The following CEP70 variants were observed in gnomAD, a reference collection of about 807,000 sequenced individuals.
The protein encoded by CEP70 is centrosomal protein of 70 kDa.
A neutral mutation model predicts 90.9 loss-of-function variants in CEP70; 70 were observed. The ratio of observed to expected loss-of-function variants is 0.77; its 90% CI spans 0.64 to 0.94. CEP70 has a LOEUF of 0.94. CEP70 is among the 40% of genes least tolerant of loss of function. The probability of loss-of-function intolerance (pLI) is 0.00; values close to 1 mark genes in which losing one functional copy is unlikely to be tolerated. For missense variants in CEP70, 648 were observed against 669.0 expected (o/e 0.97, Z 0.35); for synonymous variants, 220 against 228.3 (o/e 0.96, Z 0.33).
intron 2 of CEP70, among the ~76,000 whole-genome samples, chr3:138,579,413 C>T (rs1038821908): frequency 6.6e-6 from 1 of 151,856 alleles, no homozygotes; most frequent in Non-Finnish European, 1.5e-5. Flanking sequence ...ATCACCCCTC[C>T]CCCAACCCCA....
At position 138,532,504 on chromosome 3, in the gene CEP70, T is replaced by C; in HGVS notation, c.692+10A>G. 1 of 1,496,410 alleles carries C rather than the reference T, an allele frequency of 6.7e-7. No individual in the cohort carries two copies. Among genetic ancestry groups the C allele is most frequent in the Non-Finnish European group, 8.9e-7 (1 of 1,122,302 alleles). The allele number at this position is 1,496,410 out of a possible 1,614,324, so 92.7% of individuals were successfully genotyped here. A position where few individuals can be genotyped will look rare whatever the true frequency, so the allele number is the denominator to read the frequency against. ...AACCTTTAAAAACTGTAATACAGGATTACTCGTACCTTTGTGTATGAATTT... is the reference window on the plus strand; with the variant it reads ...AACCTTTAAAAACTGTAATACAGGACTACTCGTACCTTTGTGTATGAATTT... On this transcript the variant is annotated intron_variant, in intron 8 of 17. Coordinates refer to ENST00000264982, the MANE Select transcript of CEP70 (RefSeq NM_024491.4).
intron 11 of CEP70, 135 bp from the exon 12 acceptor site, chr3:138,508,679 A>ATGTATGTATG (rs2035224471): frequency 1.6e-6 from 1 of 643,072 alleles, no homozygotes; most frequent in Non-Finnish European, 2.8e-6. Context: ...GTGTGCACAC[A>ATGTATGTATG]TGTATGTATG....
At position 138,547,016 on chromosome 3, in the gene CEP70, AAATGAAATTGAAATGAAAT is replaced by A. The variant is rs564387227; in HGVS notation, c.466-9688_466-9670del. On this transcript the variant is annotated intron_variant, in intron 6 of 17. Transcript: ENST00000264982. ...ATCTTATAAGATGAAAAATGAAATGAAATGAAATTGAAATGAAATAATGAAATTGAAATGAAATAAAAAA... is the reference window on the plus strand; with the variant it reads ...ATCTTATAAGATGAAAAATGAAATGAAATGAAATTGAAATGAAATAAAAAA... 1.5e-3 allele frequency among the ~76,000 whole-genome samples: 232 copies of A among 152,316 alleles called. 1 individual carries two copies. Among genetic ancestry groups the A allele is most frequent in the African/African-American group, 4.5e-3 (189 of 41,562 alleles).
chr3:138,540,359 C>T (rs893676052), intron 6 of CEP70, among the ~76,000 whole-genome samples: 3 of 151,812 alleles, frequency 2.0e-5, no homozygotes, highest in African/African-American at 4.8e-5. Flanking sequence ...GATGTGGTGG[C>T]GCATGCCTGT....
chr3:138,583,526 C>A (rs1388179552), intron 2 of CEP70, among the ~76,000 whole-genome samples: 2 of 152,158 alleles, frequency 1.3e-5, no homozygotes, highest in African/African-American at 4.8e-5. Flanking sequence ...GCACATGGAT[C>A]ATTCCCAAGG....
chr3:138,529,961 G>A (rs182374565), intron 8 of CEP70, among the ~76,000 whole-genome samples: 1 of 152,282 alleles, frequency 6.6e-6, no homozygotes, highest in African/African-American at 2.4e-5. Context: ...CTAACTAGTT[G>A]TATTATTTGA....
At chr3:138,518,332 T>C (rs753377855) in intron 11 of CEP70, among the ~76,000 whole-genome samples, 20 of 152,018 alleles carry the variant, frequency 1.3e-4, no homozygotes, top group Non-Finnish European at 2.4e-4. Context: ...TTGGATAGAG[T>C]AGTGGTTCTC....
intron 2 of CEP70, among the ~76,000 whole-genome samples, chr3:138,587,620 C>CAAAAAAA (rs5852917): frequency 2.2e-5 from 3 of 137,430 alleles, no homozygotes; most frequent in Non-Finnish European, 1.5e-5. Context: ...CCCATCTCTA[C>CAAAAAAA]AAAAAAAAGA....
At chr3:138,538,867 G>C (rs2038513103) in intron 6 of CEP70, among the ~76,000 whole-genome samples, 1 of 152,088 alleles carries the variant, frequency 6.6e-6, no homozygotes, top group South Asian at 2.1e-4. Flanking sequence ...TGTGTTGCTA[G>C]AAATATGTCC....
Position 138,500,143 on chromosome 3 carries a change from AC to A in CEP70, c.1618del (p.Val540LeufsTer5), listed in dbSNP as rs775463152. ...GTCTTCAGGTCCTAATACCTGCATA[AC>A]CTGCTCATTCACATCTTCATTAATC... ...RLINEDVNEQ[V>X]MQVLGPEDLQ... is the part of the protein sequence containing the mutation. On this transcript the variant is annotated frameshift_variant, in exon 16 of 18. Transcript: ENST00000264982. LOFTEE classifies it high-confidence loss of function. 28 of 1,613,450 alleles carry A rather than the reference AC, an allele frequency of 1.7e-5. No homozygotes were observed. Among genetic ancestry groups the A allele is most frequent in the Non-Finnish European group, 2.3e-5 (27 of 1,179,524 alleles).
intron 2 of CEP70, among the ~76,000 whole-genome samples, chr3:138,580,909 C>T (rs899909703): frequency 1.3e-5 from 2 of 151,868 alleles, no homozygotes; most frequent in Admixed American, 6.6e-5. Flanking sequence ...CTCTTCATAG[C>T]ATAATTGATC....
rs544743129 is a variant in CEP70 at position 138,537,496 on chromosome 3, A to G, written c.466-149T>C. 6.3e-6 allele frequency: 3 copies of G among 472,522 alleles called. No homozygotes were observed. The Admixed American group carries it at 1.3e-4, about 20-fold the overall frequency. 29.3% of individuals were successfully genotyped at this position (472,522 alleles called of 1,614,324 possible). ...ATTGAGGCTGTTTTTAAATGAGTAT[A>G]AGCTCCAGGAACATTAATATATCAT... On this transcript the variant is annotated intron_variant, in intron 6 of 17. Transcript: ENST00000264982.
intron 8 of CEP70, 112 bp from the exon 9 acceptor site, chr3:138,529,574 C>T (rs991043346): frequency 1.1e-5 from 7 of 666,036 alleles, no homozygotes; most frequent in Non-Finnish European, 1.8e-5. Context: ...AAAATTAATC[C>T]ACATTTCCTA....
intron 6 of CEP70, among the ~76,000 whole-genome samples, chr3:138,568,311 C>G (rs570912997): frequency 1.3e-5 from 2 of 152,328 alleles, no homozygotes; most frequent in South Asian, 4.1e-4. Flanking sequence ...TCAATGAACT[C>G]TCATGTATCT....
intron 6 of CEP70, among the ~76,000 whole-genome samples, chr3:138,566,508 G>T (rs1036633740): frequency 1.3e-5 from 2 of 151,930 alleles, no homozygotes; most frequent in Admixed American, 1.3e-4. Flanking sequence ...AAAAGGAGGA[G>T]TGCATGTCCT....
At chr3:138,587,019 A>T (rs995311009) in intron 2 of CEP70, among the ~76,000 whole-genome samples, 12 of 152,090 alleles carry the variant, frequency 7.9e-5, no homozygotes, top group African/African-American at 2.7e-4. Flanking sequence ...AAAAATCTCT[A>T]CAGACAAGAA....
intron 2 of CEP70, among the ~76,000 whole-genome samples, chr3:138,585,569 C>T (rs1380304559): frequency 2.0e-5 from 3 of 151,938 alleles, no homozygotes; most frequent in Non-Finnish European, 4.4e-5. Flanking sequence ...CACAAAAGAC[C>T]CAGAATAGCC....
chr3:138,523,174 AC>A (rs143321496), intron 11 of CEP70, among the ~76,000 whole-genome samples: 19,718 of 152,124 alleles, frequency 0.13, 2,699 homozygotes, highest in East Asian at 0.38. Flanking sequence ...AAATTCAACA[AC>A]CCTTCATGCT....
chr3:138,514,031 GCAT>G (rs1396674678), intron 11 of CEP70, among the ~76,000 whole-genome samples: 5 of 151,216 alleles, frequency 3.3e-5, no homozygotes. Context: ...TTTTCTTGTA[GCAT>G]TTCCTTTAGA....
Sources: gnomAD v4.1 joint callset for allele counts (sites outside exome capture counted in the v4.1 genomes callset) on GRCh38, gnomAD v4.1.1 for gene constraint, MANE v1.5 for transcripts, NCBI Gene and HGNC (gene_info 2026-07-23, HGNC 2026-07-21) for gene names.